COG6: variants seen among roughly 807,000 people sequenced by gnomAD.
The protein encoded by COG6 is component of oligomeric golgi complex 6.
In COG6, 74 loss-of-function variants were observed where a neutral mutation model predicts 88.8. The ratio of observed to expected loss-of-function variants is 0.83; its 90% CI spans 0.69 to 1.01. The LOEUF (loss-of-function observed/expected upper bound fraction) is 1.01, where lower values mean the gene tolerates loss of function less well. COG6 is among the 50% of genes least tolerant of loss of function. The pLI, the probability that COG6 is intolerant of heterozygous loss-of-function variation, is 0.00. For synonymous variants in COG6, 286 were observed against 278.7 expected, an observed-to-expected ratio of 1.03 and a Z score of -0.26; for missense variants, 800 against 797.9, an observed-to-expected ratio of 1.00 and a Z score of -0.03.
intron 12 of COG6, 136 bp downstream of exon 12, chr13:39,694,861 T>A: frequency 1.8e-6 from 1 of 556,648 alleles, no homozygotes; most frequent in Non-Finnish European, 3.3e-6. Flanking sequence ...TAGTAGGACT[T>A]CCACACCATG....
intron 18 of COG6, among the ~76,000 whole-genome samples, chr13:39,749,767 G>A (rs996315180): frequency 6.6e-6 from 1 of 152,194 alleles, no homozygotes; most frequent in Non-Finnish European, 1.5e-5. Flanking sequence ...GTCAAGGGTT[G>A]CACTGGAATT....
chr13:39,696,925 G>C (rs1304826652), intron 12 of COG6, among the ~76,000 whole-genome samples: 3 of 148,460 alleles, frequency 2.0e-5, no homozygotes, highest in Non-Finnish European at 4.5e-5. Context: ...TGATTTTGGA[G>C]ATAATTTATG....
chr13:39,666,703 A>G (rs1047596400), intron 4 of COG6, among the ~76,000 whole-genome samples: 6 of 152,190 alleles, frequency 3.9e-5, no homozygotes, highest in African/African-American at 1.4e-4. Flanking sequence ...GTAAAAGGAT[A>G]TCATGGGTCT....
At chr13:39,698,534 G>A (rs949549708) in intron 12 of COG6, among the ~76,000 whole-genome samples, 2 of 151,516 alleles carry the variant, frequency 1.3e-5, no homozygotes, top group Non-Finnish European at 2.9e-5. Context: ...ATTTATTTTG[G>A]TTTCGGAATT....
At chr13:39,720,878 C>G (rs563736785) in intron 15 of COG6, among the ~76,000 whole-genome samples, 1 of 151,890 alleles carries the variant, frequency 6.6e-6, no homozygotes, top group Non-Finnish European at 1.5e-5. Flanking sequence ...ACTCCCCCAA[C>G]CCCCCTGGAT....
intron 4 of COG6, among the ~76,000 whole-genome samples, chr13:39,677,228 C>A (rs1331253876): frequency 6.6e-6 from 1 of 151,968 alleles, no homozygotes; most frequent in Non-Finnish European, 1.5e-5. Context: ...TGTTCTTTTG[C>A]GTAATGATCA....
intron 18 of COG6, among the ~76,000 whole-genome samples, chr13:39,788,046 G>A (rs1203712569): frequency 6.6e-6 from 1 of 152,150 alleles, no homozygotes; most frequent in African/African-American, 2.4e-5. Context: ...CAGCCACTTA[G>A]GATAGAGGTG....
intron 18 of COG6, among the ~76,000 whole-genome samples, chr13:39,777,654 C>G (rs1005874310): frequency 1.3e-5 from 2 of 152,162 alleles, no homozygotes; most frequent in African/African-American, 4.8e-5. Flanking sequence ...ACCAGTGTTG[C>G]AATCGCAGAG....
chr13:39,761,087 C>G (rs759583920), intron 18 of COG6, among the ~76,000 whole-genome samples: 4 of 151,834 alleles, frequency 2.6e-5, no homozygotes, highest in East Asian at 3.9e-4. Context: ...TACTTCAACT[C>G]TATGTATCAA....
At chr13:39,721,633 G>A (rs1878854512) in intron 15 of COG6, among the ~76,000 whole-genome samples, 1 of 152,126 alleles carries the variant, frequency 6.6e-6, no homozygotes, top group African/African-American at 2.4e-5. Flanking sequence ...TGGATTCGGT[G>A]TGATAGAGGA....
rs904226666 is a variant in COG6 at position 39,687,490 on chromosome 13, T to G, written c.789-13T>G. 4 of 1,611,146 alleles carry G rather than the reference T, an allele frequency of 2.5e-6. No individual in the cohort carries two copies. In the African/African-American group the frequency reaches 4.0e-5, roughly 16 times the overall value. ...CAACCCCAACCATTTTTTATATAAC[T>G]TGTTTCTTCTAGATATACCTTAGAT... On this transcript the variant is annotated splice_polypyrimidine_tract_variant and intron_variant, in intron 8 of 18. Transcript: ENST00000455146.
rs756362193 is a variant in COG6, at chr13:39,751,580, A to G, written c.*487A>G. 4 of 1,287,096 alleles carry G rather than the reference A, an allele frequency of 3.1e-6. No individual in the cohort carries two copies. The highest frequency in any genetic ancestry group is 1.2e-5 in the South Asian group (1 of 80,928). 79.7% of individuals were successfully genotyped at this position (1,287,096 alleles called of 1,614,324 possible). Reference sequence around the variant, plus strand: ...AACCTAGCCTATGTCTCTGTCCCCAAAATAGCTGCCCTTAAAGAGTTGTTA... The same window carrying G: ...AACCTAGCCTATGTCTCTGTCCCCAGAATAGCTGCCCTTAAAGAGTTGTTA... On this transcript the variant is annotated 3_prime_UTR_variant, in exon 19 of 19. Coordinates refer to ENST00000455146, the MANE Select transcript of COG6 (RefSeq NM_020751.3).
chr13:39,722,028 C>G (rs974663780), intron 15 of COG6, among the ~76,000 whole-genome samples: 4 of 152,012 alleles, frequency 2.6e-5, no homozygotes, highest in African/African-American at 7.2e-5. Flanking sequence ...CATCACTTTT[C>G]TATGTGTTAC....
rs1054736212 is a variant in COG6, at chr13:39,679,546, C to T, written c.549C>T (p.Phe183=). The change falls in exon 6 of 19, where the codon TTC becomes TTT. Residue 183 remains phenylalanine (F), a synonymous_variant. Transcript: ENST00000455146. The part of the protein sequence containing the change: ...TREGPITEDF[F]KALGRVKQIH... ...CATTCTTAATTTTAAAGGATTTTTT[C>T]AAGGCACTGGGAAGAGTAAAACAGA... The T allele has an allele frequency of 6.3e-7, 1 of 1,577,082 alleles. No homozygotes were observed. Among genetic ancestry groups the T allele is most frequent in the East Asian group, 2.2e-5 (1 of 44,598 alleles).
chr13:39,656,522 G>T (rs963882285), intron 1 of COG6, among the ~76,000 whole-genome samples: 2 of 151,638 alleles, frequency 1.3e-5, no homozygotes, highest in African/African-American at 4.8e-5. Flanking sequence ...ACTTAAGTTG[G>T]ACTTTACAGC....
At chr13:39,771,415 G>C (rs774624766) in intron 18 of COG6, among the ~76,000 whole-genome samples, 9 of 152,296 alleles carry the variant, frequency 5.9e-5, no homozygotes, top group Non-Finnish European at 1.3e-4. Flanking sequence ...GTAACTGGTG[G>C]CTCACCCGCT....
At chr13:39,684,064 TTTTTA>T (rs1053567991) in intron 8 of COG6, among the ~76,000 whole-genome samples, 2 of 151,982 alleles carry the variant, frequency 1.3e-5, no homozygotes, top group African/African-American at 4.8e-5. Flanking sequence ...TTAGATATTA[TTTTTA>T]TTTTGAGAGG....
intron 4 of COG6, among the ~76,000 whole-genome samples, chr13:39,668,664 T>C (rs1453310932): frequency 6.6e-6 from 1 of 151,746 alleles, no homozygotes; most frequent in African/African-American, 2.4e-5. Flanking sequence ...GGCGGGCACC[T>C]GTAGTCCCAG....
intron 18 of COG6, among the ~76,000 whole-genome samples, chr13:39,781,757 G>T (rs375258452): frequency 2.0e-5 from 3 of 152,074 alleles, no homozygotes; most frequent in African/African-American, 7.2e-5. Context: ...ACCTGGCAGG[G>T]TCACCAGTCC....
Sources: gnomAD v4.1 joint callset for allele counts (sites outside exome capture counted in the v4.1 genomes callset) on GRCh38, gnomAD v4.1.1 for gene constraint, MANE v1.5 for transcripts, NCBI Gene and HGNC (gene_info 2026-07-23, HGNC 2026-07-21) for gene names.